Variants in CATSPERB observed in about 807,000 individuals in gnomAD.
CATSPERB encodes cation channel sperm-associated auxiliary subunit beta.
CATSPERB carries 93 observed loss-of-function variants against 128.3 expected under a neutral mutation model. The observed-to-expected ratio is 0.72, with a 90% confidence interval of 0.61 to 0.86. The LOEUF is 0.86. CATSPERB is among the 40% of genes least tolerant of loss of function. CATSPERB has a pLI of 0.00. For missense variants in CATSPERB, 1,153 were observed against 1,329.5 expected (o/e 0.87, Z 2.06); for synonymous variants, 381 against 448.8 (o/e 0.85, Z 1.91).
intron 1 of CATSPERB, among the ~76,000 whole-genome samples, chr14:91,729,750 G>T (rs1896183014): frequency 6.6e-6 from 1 of 152,336 alleles, no homozygotes; most frequent in Non-Finnish European, 1.5e-5. Context: ...TTAGAGAGGT[G>T]AGATCAGTTA....
chr14:91,725,553 G>A (rs940074323), intron 2 of CATSPERB, among the ~76,000 whole-genome samples: 44 of 152,214 alleles, frequency 2.9e-4, no homozygotes, highest in Non-Finnish European at 3.8e-4. Flanking sequence ...GTTAGGAGAC[G>A]GACCCCTTCT....
chr14:91,664,273 T>C (rs1198439280), intron 14 of CATSPERB, among the ~76,000 whole-genome samples: 1 of 144,422 alleles, frequency 6.9e-6, no homozygotes, highest in African/African-American at 2.6e-5. Context: ...TTTTTTTTTT[T>C]TTTTTTTTTT....
rs1028481013 is a variant in CATSPERB at position 91,610,776 on chromosome 14, T to A, written c.2401-99A>T. ...CATGTTGAAACCCCAACCTCCAGTA[T>A]CTCAAAATGTGGCTGTATTTGGAGA... is the stretch of plus-strand genomic sequence containing the variant. On this transcript the variant is annotated intron_variant, in intron 20 of 26. Transcript: ENST00000256343. 6 of 1,099,114 alleles carry A rather than the reference T, an allele frequency of 5.5e-6. No homozygotes were observed. In the Middle Eastern group the frequency reaches 8.6e-4, roughly 157 times the overall value. 68.1% of individuals were successfully genotyped at this position (1,099,114 alleles called of 1,614,324 possible). A position where few individuals can be genotyped will look rare whatever the true frequency, so the allele number is the denominator to read the frequency against.
Position 91,659,989 on chromosome 14 carries a change from A to C in CATSPERB, c.1288-8T>G, listed in dbSNP as rs770611497. The stretch of plus-strand genomic sequence containing the variant: ...ATCAACTGAAAGCCATATCTAAAGG[A>C]ATAAAGAGATAATACCTTACTAAAG... On this transcript the variant is annotated splice_region_variant and splice_polypyrimidine_tract_variant and intron_variant, in intron 14 of 26. Coordinates refer to ENST00000256343, the MANE Select transcript of CATSPERB (RefSeq NM_024764.4). 7.0e-6 allele frequency: 11 copies of C among 1,573,764 alleles called. No homozygotes were observed. In the East Asian group the frequency reaches 2.5e-4, roughly 36 times the overall value.
At chr14:91,594,693 T>C (rs1893473185) in intron 22 of CATSPERB, among the ~76,000 whole-genome samples, 1 of 151,986 alleles carries the variant, frequency 6.6e-6, no homozygotes, top group Admixed American at 6.6e-5. Flanking sequence ...TTTTAGCAGG[T>C]TGTGAAACCT....
At chr14:91,668,560 G>A (rs1381314005) in intron 14 of CATSPERB, among the ~76,000 whole-genome samples, 1 of 152,168 alleles carries the variant, frequency 6.6e-6, no homozygotes, top group African/African-American at 2.4e-5. Context: ...AAGCTACTCG[G>A]GACCCCTTCC....
Position 91,617,592 on chromosome 14 carries a change from C to T in CATSPERB, c.2400+5G>A. On this transcript the variant is annotated splice_donor_5th_base_variant and intron_variant, in intron 20 of 26. Coordinates refer to ENST00000256343, the MANE Select transcript of CATSPERB (RefSeq NM_024764.4). ...GAAATGTTTTGTAAATGAAGAAAAT[C>T]CTACCTGATGTAAAACTTTGCTAGC... 3 of 1,568,078 alleles carry T rather than the reference C, an allele frequency of 1.9e-6. No homozygotes were observed. Among genetic ancestry groups the T allele is most frequent in the South Asian group, 1.2e-5 (1 of 82,338 alleles).
At chr14:91,622,004 T>A in intron 18 of CATSPERB, 67 bp from the exon 19 acceptor site, 1 of 1,044,400 alleles carries the variant, frequency 9.6e-7, no homozygotes, top group Non-Finnish European at 1.4e-6. Context: ...CAAACTGATG[T>A]ACATAGCTAA....
chr14:91,726,128 T>A (rs1179158962), intron 2 of CATSPERB, among the ~76,000 whole-genome samples: 1 of 152,154 alleles, frequency 6.6e-6, no homozygotes, highest in Non-Finnish European at 1.5e-5. Context: ...AACCCCTGCA[T>A]TCATCCTTCA....
intron 15 of CATSPERB, among the ~76,000 whole-genome samples, chr14:91,656,850 C>G (rs920981941): frequency 2.0e-5 from 3 of 151,788 alleles, no homozygotes; most frequent in Non-Finnish European, 2.9e-5. Context: ...CAAAAGAGAG[C>G]AGAAGTCACT....
At chr14:91,719,194 C>T (rs1236833410) in intron 5 of CATSPERB, among the ~76,000 whole-genome samples, 1 of 151,980 alleles carries the variant, frequency 6.6e-6, no homozygotes, top group Non-Finnish European at 1.5e-5. Flanking sequence ...TTGTATATGT[C>T]AAAACAATCT....
chr14:91,712,976 A>G (rs1287346440), intron 5 of CATSPERB, among the ~76,000 whole-genome samples: 1 of 152,208 alleles, frequency 6.6e-6, no homozygotes, highest in Admixed American at 6.5e-5. Flanking sequence ...CATCAATATT[A>G]TAATGAAATG....
At chr14:91,632,816 A>AACAC (rs112899550) in intron 17 of CATSPERB, among the ~76,000 whole-genome samples, 10,967 of 150,108 alleles carry the variant, frequency 0.073, 468 homozygotes, top group Middle Eastern at 0.2. Context: ...AGTCACTTAA[A>AACAC]ACACACACAC....
At position 91,705,381 on chromosome 14, in the gene CATSPERB, A is replaced by G. The variant is rs111482762; in HGVS notation, c.467-680T>C. 5.1e-3 allele frequency among the ~76,000 whole-genome samples: 772 copies of G among 152,364 alleles called. 11 individuals are homozygous for G. Among genetic ancestry groups the G allele is most frequent in the African/African-American group, 0.017 (718 of 41,592 alleles). ...CAGAGTAGCAGTGGTGAACAGGGAC[A>G]GTTATCATTAGGGGCCAAGAGACTT... On this transcript the variant is annotated intron_variant, in intron 6 of 26. Transcript: ENST00000256343.
intron 7 of CATSPERB, among the ~76,000 whole-genome samples, chr14:91,694,674 T>C (rs12589892): frequency 0.31 from 46,800 of 152,008 alleles, 7,462 homozygotes; most frequent in South Asian, 0.49. Context: ...TGATTTACTT[T>C]TTTATTTGTG....
At chr14:91,654,836 C>T (rs1894761354) in intron 15 of CATSPERB, among the ~76,000 whole-genome samples, 1 of 152,184 alleles carries the variant, frequency 6.6e-6, no homozygotes, top group Non-Finnish European at 1.5e-5. Flanking sequence ...TGACCCAGTG[C>T]AGTCCTAGTG....
intron 19 of CATSPERB, among the ~76,000 whole-genome samples, chr14:91,618,849 C>T (rs569484163): frequency 1.1e-4 from 17 of 152,286 alleles, no homozygotes; most frequent in African/African-American, 4.1e-4. Flanking sequence ...CTAGCCTTTA[C>T]CCGGAGATTT....
intron 22 of CATSPERB, chr14:91,605,341 G>C (rs1160358149): frequency 1.4e-6 from 1 of 695,452 alleles, no homozygotes; most frequent in African/African-American, 1.8e-5. Context: ...GGAAGAGGAG[G>C]AAAAAATTTA....
intron 22 of CATSPERB, chr14:91,592,657 A>G (rs1404648255): frequency 1.3e-5 from 2 of 152,172 alleles, no homozygotes; most frequent in Non-Finnish European, 2.9e-5. Flanking sequence ...GACTACAGGC[A>G]CACACCACCA....
Sources: allele counts gnomAD v4.1 joint callset (sites outside exome capture counted in the v4.1 genomes callset), GRCh38; gene constraint gnomAD v4.1.1; transcripts MANE v1.5; gene names NCBI Gene and HGNC (gene_info 2026-07-23, HGNC 2026-07-21).